EXOC4: variants seen among roughly 807,000 people sequenced by gnomAD.
EXOC4 encodes exocyst complex component 4.
A neutral mutation model predicts 107.2 loss-of-function variants in EXOC4; 71 were observed. The observed-to-expected ratio is 0.66, with a 90% CI of 0.55 to 0.81. The LOEUF is 0.81. Among genes scored for constraint, EXOC4 ranks in the 30% least tolerant of loss-of-function variants. The pLI, the probability that EXOC4 is intolerant of heterozygous loss-of-function variation, is 0.00. For missense variants in EXOC4, 1,108 were observed against 1,189.6 expected (o/e 0.93, Z 1.01); for synonymous variants, 456 against 441.2 (o/e 1.03, Z -0.42).
At chr7:133,587,141 C>T (rs1163590629) in intron 9 of EXOC4, among the ~76,000 whole-genome samples, 2 of 152,164 alleles carry the variant, frequency 1.3e-5, no homozygotes, top group South Asian at 2.1e-4. Context: ...GCCCTGATCC[C>T]ATTTTTATTG....
chr7:133,888,316 C>G (rs1265184389), intron 11 of EXOC4, among the ~76,000 whole-genome samples: 3 of 152,186 alleles, frequency 2.0e-5, no homozygotes, highest in Non-Finnish European at 4.4e-5. Flanking sequence ...TCATAGTTCA[C>G]TGTCAAGACT....
intron 9 of EXOC4, among the ~76,000 whole-genome samples, chr7:133,536,338 TTTC>T (rs1800269203): frequency 6.6e-6 from 1 of 152,148 alleles, no homozygotes; most frequent in South Asian, 2.1e-4. Context: ...TCCTCCTCTT[TTTC>T]TTCTTCTCTC....
At chr7:133,364,088 T>C (rs1796193507) in intron 6 of EXOC4, among the ~76,000 whole-genome samples, 1 of 152,058 alleles carries the variant, frequency 6.6e-6, no homozygotes, top group Admixed American at 6.6e-5. Context: ...AACTTTGTGT[T>C]TGCAGCCTGA....
At chr7:133,690,675 G>T (rs1463339048) in intron 10 of EXOC4, among the ~76,000 whole-genome samples, 1 of 152,142 alleles carries the variant, frequency 6.6e-6, no homozygotes, top group Non-Finnish European at 1.5e-5. Flanking sequence ...TAGAATAACA[G>T]AAGACAGATT....
intron 17 of EXOC4, among the ~76,000 whole-genome samples, chr7:134,012,776 A>G (rs961158314): frequency 1.6e-4 from 25 of 152,200 alleles, no homozygotes; most frequent in African/African-American, 6.0e-4. Flanking sequence ...GACCTTGGGT[A>G]CCCCACTGTT....
intron 17 of EXOC4, among the ~76,000 whole-genome samples, chr7:134,017,750 C>CA (rs1411785403): frequency 6.6e-6 from 1 of 152,174 alleles, no homozygotes. Flanking sequence ...CTAAGCCTCT[C>CA]AAAAAAATCT....
At chr7:133,355,433 G>A (rs755783450) in intron 5 of EXOC4, among the ~76,000 whole-genome samples, 1 of 151,900 alleles carries the variant, frequency 6.6e-6, no homozygotes, top group Non-Finnish European at 1.5e-5. Flanking sequence ...TGGCAGTTGC[G>A]AAACCCGGAA....
At chr7:133,358,293 A>C (rs1273566587) in intron 6 of EXOC4, among the ~76,000 whole-genome samples, 1 of 152,120 alleles carries the variant, frequency 6.6e-6, no homozygotes, top group Non-Finnish European at 1.5e-5. Flanking sequence ...TTGTATCCCC[A>C]CTTTGTGATT....
At position 133,591,056 on chromosome 7, in the gene EXOC4, T is replaced by A. The variant is rs544253950; in HGVS notation, c.1418-38989T>A. Among the ~76,000 whole-genome samples, 11 of 152,262 alleles carry A rather than the reference T, an allele frequency of 7.2e-5. No individual in the cohort carries two copies. In the East Asian group the frequency reaches 2.1e-3, roughly 29 times the overall value. On this transcript the variant is annotated intron_variant, in intron 9 of 17. Coordinates refer to ENST00000253861, the MANE Select transcript of EXOC4 (RefSeq NM_021807.4). ...GCTGACCTGTGTGCTCCCCTTCCTG[T>A]GAGGGGTTGAGGGCTGTGGGCTGAG... is the stretch of plus-strand genomic sequence containing the variant.
At chr7:133,420,024 G>T (rs1797567425) in intron 7 of EXOC4, among the ~76,000 whole-genome samples, 1 of 145,522 alleles carries the variant, frequency 6.9e-6, no homozygotes, top group Non-Finnish European at 1.5e-5. Context: ...CATTGTGCAG[G>T]TTAGTTACAT....
intron 7 of EXOC4, among the ~76,000 whole-genome samples, chr7:133,377,970 A>G (rs1453217399): frequency 1.3e-5 from 2 of 151,842 alleles, no homozygotes; most frequent in Non-Finnish European, 2.9e-5. Context: ...ATGAACTAAA[A>G]CTTAAAGAAT....
chr7:133,693,440 C>T lies in EXOC4; in HGVS notation c.1514+63299C>T, dbSNP rs947502311. On this transcript the variant is annotated intron_variant, in intron 10 of 17. Transcript: ENST00000253861. ...ACCCTGCTTGAGGGTGGGTCTGCCT[C>T]TCCCAGTTCACTGACTCAAATGTTA... Among the ~76,000 whole-genome samples the T allele has an allele frequency of 3.9e-5, 6 of 152,140 alleles. No homozygotes were observed. In the East Asian group the frequency reaches 1.2e-3, roughly 29 times the overall value.
intron 4 of EXOC4, 78 bp downstream of exon 4, chr7:133,306,139 G>A (rs1794749619): frequency 8.0e-7 from 1 of 1,256,348 alleles, no homozygotes. Flanking sequence ...CCAGAATGTT[G>A]TTGTAATTTA....
chr7:133,713,604 A>G lies in EXOC4; in HGVS notation c.1514+83463A>G, dbSNP rs117084049. Among the ~76,000 whole-genome samples, 115 of 152,318 alleles carry G rather than the reference A, an allele frequency of 7.5e-4. 1 individual carries two copies. The East Asian group carries it at 0.021, about 28-fold the overall frequency. On this transcript the variant is annotated intron_variant, in intron 10 of 17. Transcript: ENST00000253861. ...TGTCCCTACCCACATCTCCTCTTGG[A>G]TTGTAATCCTCATAATCACCATGTG...
intron 1 of EXOC4, among the ~76,000 whole-genome samples, chr7:133,254,238 C>T (rs1284130115): frequency 1.3e-5 from 2 of 152,108 alleles, no homozygotes; most frequent in Non-Finnish European, 2.9e-5. Flanking sequence ...TCTTATGGGT[C>T]TTATTTAGGA....
At chr7:133,669,575 AC>A (rs1793899702) in intron 10 of EXOC4, among the ~76,000 whole-genome samples, 1 of 55,632 alleles carries the variant, frequency 1.8e-5, no homozygotes. Context: ...TGAATAAAGA[AC>A]TATGTTCGCT....
chr7:133,835,724 A>T (rs1409526550), intron 11 of EXOC4, among the ~76,000 whole-genome samples: 1 of 152,220 alleles, frequency 6.6e-6, no homozygotes, highest in Non-Finnish European at 1.5e-5. Context: ...GCTATAGTTC[A>T]TATATTTGTC....
chr7:133,666,920 A>G (rs1793829869), intron 10 of EXOC4, among the ~76,000 whole-genome samples: 1 of 152,136 alleles, frequency 6.6e-6, no homozygotes, highest in Admixed American at 6.5e-5. Context: ...GGGTGCAAGT[A>G]CAGATTCTTA....
chr7:133,293,305 T>A (rs1465564408), intron 3 of EXOC4, among the ~76,000 whole-genome samples: 2 of 152,202 alleles, frequency 1.3e-5, no homozygotes, highest in African/African-American at 4.8e-5. Context: ...GCTCTTTCAT[T>A]GGACTTCACA....
Sources: gnomAD v4.1 joint callset for allele counts (sites outside exome capture counted in the v4.1 genomes callset) on GRCh38, gnomAD v4.1.1 for gene constraint, MANE v1.5 for transcripts, NCBI Gene and HGNC (gene_info 2026-07-23, HGNC 2026-07-21) for gene names.